The following ALG12 variants were observed in gnomAD, a reference collection of about 807,000 sequenced individuals.
ALG12 encodes the protein ALG12 alpha-1,6-mannosyltransferase, also known as dol-P-Man:Man(7)GlcNAc(2)-PP-Dol alpha-1,6-mannosyltransferase.
In ALG12, 36 loss-of-function variants were observed where a neutral mutation model predicts 46.0. The ratio of observed to expected loss-of-function variants is 0.78; its 90% confidence interval spans 0.60 to 1.03. The LOEUF (loss-of-function observed/expected upper bound fraction) is 1.03, where lower values mean the gene tolerates loss of function less well. Among genes scored for constraint, ALG12 ranks in the 50% least tolerant of loss-of-function variants. ALG12 has a pLI of 0.00. For synonymous variants in ALG12, 326 were observed against 291.6 expected (o/e 1.12, Z -1.20); for missense variants, 599 against 633.5 (o/e 0.95, Z 0.58).
the ALG12 span, among the ~76,000 whole-genome samples, chr22:49,876,117 GT>G: frequency 6.6e-6 from 1 of 151,982 alleles, no homozygotes; most frequent in Non-Finnish European, 1.5e-5. Context: ...TATTGCTGAA[GT>G]TTTATTCAGT....
the ALG12 span, chr22:49,884,117 T>C: frequency 6.2e-7 from 1 of 1,613,592 alleles, no homozygotes; most frequent in Non-Finnish European, 8.5e-7. Context: ...GAGAAAGACT[T>C]GAGTACCAGT....
the ALG12 span, chr22:49,886,789 G>A: frequency 9.9e-6 from 16 of 1,612,734 alleles, no homozygotes; most frequent in African/African-American, 6.7e-5. This position sits in a 1 kb window ranked among gnomAD's most constrained non-coding sequence, Gnocchi z 7.7. Flanking sequence ...CTCAGAGGAC[G>A]TGGCTGCCTC....
At position 49,910,004 on chromosome 22, in the gene ALG12, A is replaced by C. The variant is rs1384680577; in HGVS notation, c.554T>G (p.Val185Gly). Residue 185 changes from valine to glycine, a missense_variant, in exon 5 of 10, where the codon GTG becomes GGG. Physicochemically the swap from Val to Gly is moderately radical, Grantham distance 109. Transcript: ENST00000330817. Reference protein sequence around the residue: ...LSAFAIIVFRVELCLFLGLLL... With the variant: ...LSAFAIIVFRGELCLFLGLLL... ...GAGGCCCAGGAACAGGCACAGCTCC[A>C]CCCTGAACACGATGATGGCGAAGGC... 1 of 1,613,810 alleles carries C rather than the reference A, an allele frequency of 6.2e-7. No individual in the cohort carries two copies. Among genetic ancestry groups the C allele is most frequent in the Non-Finnish European group, 8.5e-7 (1 of 1,179,954 alleles).
At chr22:49,879,801 G>T in the ALG12 span, among the ~76,000 whole-genome samples, 5 of 9,222 alleles carry the variant, frequency 5.4e-4, no homozygotes, top group African/African-American at 5.1e-3. Context: ...CCTGGTCAGT[G>T]TCTGGGCGTG....
Position 49,904,244 on chromosome 22 carries a change from C to T in ALG12, c.1173G>A (p.Leu391=). The change falls in exon 9 of 10, where the codon CTG becomes CTA. Residue 391 remains leucine (L), a synonymous_variant. Transcript: ENST00000330817. ...QLVPPQTDVL[L]HIDVAAAQTG... ...TCTGGGCGGCTGCCACGTCAATGTGCAGAAGGACGTCTAGGAAAACCAGGC... is the reference window on the plus strand; with the variant it reads ...TCTGGGCGGCTGCCACGTCAATGTGTAGAAGGACGTCTAGGAAAACCAGGC... 6.2e-7 allele frequency: 1 copy of T among 1,614,120 alleles called. No homozygotes were observed. The highest frequency in any genetic ancestry group is 1.7e-5 in the Admixed American group (1 of 59,998).
chr22:49,890,314 CACCA>C, the ALG12 span, among the ~76,000 whole-genome samples: 1 of 152,106 alleles, frequency 6.6e-6, no homozygotes, highest in Non-Finnish European at 1.5e-5. Flanking sequence ...CTCTTAAAAC[CACCA>C]ACAATGACAA....
the ALG12 span, among the ~76,000 whole-genome samples, chr22:49,876,667 C>T: frequency 2.0e-5 from 3 of 152,078 alleles, no homozygotes; most frequent in Non-Finnish European, 4.4e-5. Flanking sequence ...AGAATACTCA[C>T]CGGCAGTGCT....
chr22:49,902,031 T>C lies in ALG12; in HGVS notation c.*1807A>G. The C allele has an allele frequency of 7.1e-6, 1 of 140,128 alleles. No individual in the cohort carries two copies. The highest frequency in any genetic ancestry group is 2.3e-4 in the South Asian group (1 of 4,336). 8.7% of individuals were successfully genotyped at this position (140,128 alleles called of 1,614,324 possible). A position where few individuals can be genotyped will look rare whatever the true frequency, so the allele number is the denominator to read the frequency against. On this transcript the variant is annotated 3_prime_UTR_variant, in exon 10 of 10. Transcript: ENST00000330817. ...TGCATGGTAATGTGCACGCGTGCAC[T>C]GTGTGTATGCATGGTAACGTACACG...
chr22:49,897,897 G>T (rs192476639), downstream of ALG12, among the ~76,000 whole-genome samples: 117 of 152,128 alleles, frequency 7.7e-4, 1 homozygote, highest in African/African-American at 2.7e-3. Flanking sequence ...CTGACCTCGT[G>T]ATCTGCCCGT....
chr22:49,870,889 A>G, the ALG12 span, among the ~76,000 whole-genome samples: 1 of 151,842 alleles, frequency 6.6e-6, no homozygotes, highest in African/African-American at 2.4e-5. Context: ...TGAAGCAAAT[A>G]CCCAAAATCA....
At chr22:49,865,083 C>T in the ALG12 span, among the ~76,000 whole-genome samples, 4 of 151,898 alleles carry the variant, frequency 2.6e-5, no homozygotes, top group South Asian at 6.2e-4. Context: ...CTGAGAAATG[C>T]GTTACTCAGC....
the ALG12 span, among the ~76,000 whole-genome samples, chr22:49,877,176 G>A: frequency 1.3e-5 from 2 of 151,138 alleles, no homozygotes; most frequent in Non-Finnish European, 2.9e-5. Flanking sequence ...TGTTTAAAGC[G>A]TGTTTCTTGT....
downstream of ALG12, among the ~76,000 whole-genome samples, chr22:49,897,312 G>GT (rs1317652893): frequency 7.2e-5 from 11 of 152,186 alleles, no homozygotes; most frequent in African/African-American, 2.7e-4. Flanking sequence ...TTGTGTGGAC[G>GT]TAAGTTTTCA....
the ALG12 span, among the ~76,000 whole-genome samples, chr22:49,892,090 A>C: frequency 6.8e-6 from 1 of 146,686 alleles, no homozygotes; most frequent in Non-Finnish European, 1.5e-5. Context: ...CTGGAGGCTG[A>C]GGCAGGAGAA....
chr22:49,870,195 A>T, the ALG12 span, among the ~76,000 whole-genome samples: 2 of 152,162 alleles, frequency 1.3e-5, no homozygotes, highest in East Asian at 3.8e-4. Context: ...CATGGTGTGG[A>T]TATACCACAT....
chr22:49,880,209 G>A, the ALG12 span, among the ~76,000 whole-genome samples: 12 of 152,174 alleles, frequency 7.9e-5, no homozygotes, highest in African/African-American at 2.6e-4. Flanking sequence ...TGTTCAGTCC[G>A]GACCCTTCTG....
chr22:49,869,895 A>G, the ALG12 span, among the ~76,000 whole-genome samples: 1 of 152,216 alleles, frequency 6.6e-6, no homozygotes, highest in East Asian at 1.9e-4. Context: ...AGTTTGGGAT[A>G]AGAATGATCG....
intron 6 of ALG12, 29 bp downstream of exon 6, chr22:49,909,215 C>G: frequency 6.2e-7 from 1 of 1,602,838 alleles, no homozygotes; most frequent in Non-Finnish European, 8.5e-7. Context: ...TCCCACCCAT[C>G]GCCCTCCTGC....
the ALG12 span, among the ~76,000 whole-genome samples, chr22:49,863,318 C>A: frequency 1.3e-5 from 2 of 152,170 alleles, no homozygotes; most frequent in African/African-American, 2.4e-5. Flanking sequence ...CATCACCACA[C>A]CCAGCTAAGT....
Sources: gnomAD v4.1 joint callset for allele counts (sites outside exome capture counted in the v4.1 genomes callset) on GRCh38, gnomAD v4.1.1 for gene constraint, Gnocchi (gnomAD v3.1) non-coding constraint, MANE v1.5 for transcripts, NCBI Gene and HGNC (gene_info 2026-07-23, HGNC 2026-07-21) for gene names.